COL8A1: variants seen among roughly 807,000 people sequenced by gnomAD.
COL8A1 encodes the protein collagen type VIII alpha 1 chain.
In COL8A1, 21 loss-of-function variants were observed where a neutral mutation model predicts 42.7. That is an observed-to-expected ratio of 0.49 (90% CI 0.35 to 0.71). The LOEUF (loss-of-function observed/expected upper bound fraction) is 0.71. COL8A1 is among the 30% of genes least tolerant of loss of function. The pLI is 0.01. For synonymous variants in COL8A1, 367 were observed against 369.1 expected (o/e 0.99, Z 0.06); for missense variants, 788 against 962.4 (o/e 0.82, Z 2.40).
At chr3:99,709,392 C>G (rs1939773760) in intron 1 of COL8A1, among the ~76,000 whole-genome samples, 1 of 152,100 alleles carries the variant, frequency 6.6e-6, no homozygotes, top group East Asian at 1.9e-4. Context: ...TGGTAATGAC[C>G]TTTTTAATGT....
chr3:99,712,848 A>T (rs1487224342), intron 1 of COL8A1, among the ~76,000 whole-genome samples: 1 of 152,142 alleles, frequency 6.6e-6, no homozygotes, highest in East Asian at 1.9e-4. Context: ...AACTGGGAAA[A>T]TTGAGCCATA....
intron 1 of COL8A1, among the ~76,000 whole-genome samples, chr3:99,642,176 C>A (rs933116122): frequency 2.0e-5 from 3 of 152,140 alleles, no homozygotes; most frequent in Admixed American, 1.3e-4. Context: ...GAAGTATGAG[C>A]ATTAACCACA....
chr3:99,690,994 A>T (rs530264052), intron 1 of COL8A1, among the ~76,000 whole-genome samples: 4 of 152,264 alleles, frequency 2.6e-5, no homozygotes, highest in African/African-American at 9.6e-5. Flanking sequence ...TTACACATGA[A>T]TTTTTTTCAA....
chr3:99,724,651 C>A (rs1160474616), intron 1 of COL8A1, among the ~76,000 whole-genome samples: 4 of 152,058 alleles, frequency 2.6e-5, no homozygotes, highest in African/African-American at 9.7e-5. Flanking sequence ...CTCACTGACC[C>A]AAGAAGACAG....
intron 1 of COL8A1, among the ~76,000 whole-genome samples, chr3:99,692,136 C>A (rs1201153362): frequency 1.3e-5 from 2 of 152,114 alleles, no homozygotes; most frequent in Non-Finnish European, 2.9e-5. Context: ...AACCCCTACT[C>A]ACACACACCA....
In COL8A1 at chr3:99,795,263, G is replaced by T. The variant is rs767080254; in HGVS notation, c.1362G>T (p.Leu454Phe). ...GEVGPPGMRG[L>F]PGPIGPKGEA... ...TAGGGCCTCCTGGCATGAGGGGTTT[G>T]CCAGGTCCCATAGGGCCCAAGGGGG... is the stretch of plus-strand genomic sequence containing the variant. The change falls in exon 4 of 4, where the codon TTG becomes TTT. Residue 454 changes from leucine (L) to phenylalanine (F), a missense_variant. Leu to Phe is a conservative substitution (Grantham distance 22). This residue lies in a region of COL8A1 where 154 missense variants were observed against 182.3 expected (regional missense o/e 0.84). Coordinates refer to ENST00000652472, the MANE Select transcript of COL8A1 (RefSeq NM_020351.4). 3 of 1,612,934 alleles carry T rather than the reference G, an allele frequency of 1.9e-6. No homozygotes were observed. In the African/African-American group the frequency reaches 4.0e-5, roughly 22 times the overall value.
chr3:99,662,458 A>G (rs1266401007), intron 1 of COL8A1, among the ~76,000 whole-genome samples: 2 of 152,192 alleles, frequency 1.3e-5, no homozygotes, highest in African/African-American at 4.8e-5. Flanking sequence ...CAAGTCTTTC[A>G]AATGAGAAAT....
intron 2 of COL8A1, among the ~76,000 whole-genome samples, chr3:99,784,599 C>A (rs1285079344): frequency 6.6e-6 from 1 of 152,098 alleles, no homozygotes. Flanking sequence ...AACTGTAACA[C>A]AATGGTAAGT....
At chr3:99,672,540 T>C (rs1938578186) in intron 1 of COL8A1, among the ~76,000 whole-genome samples, 1 of 151,816 alleles carries the variant, frequency 6.6e-6, no homozygotes, top group Non-Finnish European at 1.5e-5. Context: ...CTAGAATTTA[T>C]ATTTGGTTCC....
At chr3:99,665,848 ATTT>A (rs537279334) in intron 1 of COL8A1, among the ~76,000 whole-genome samples, 6 of 134,272 alleles carry the variant, frequency 4.5e-5, no homozygotes, top group African/African-American at 8.2e-5. Context: ...CACTTAGCTA[ATTT>A]TTTTTTTTTT....
At chr3:99,732,208 T>C (rs1252855911) in intron 1 of COL8A1, among the ~76,000 whole-genome samples, 1 of 152,186 alleles carries the variant, frequency 6.6e-6, no homozygotes, top group Non-Finnish European at 1.5e-5. Flanking sequence ...ATCATCACCA[T>C]ATTCAATGGA....
chr3:99,655,269 C>T (rs1172494675), intron 1 of COL8A1, among the ~76,000 whole-genome samples: 1 of 152,178 alleles, frequency 6.6e-6, no homozygotes, highest in Non-Finnish European at 1.5e-5. Flanking sequence ...CAAGACCCAT[C>T]CCACCCACTA....
At chr3:99,697,461 T>C (rs1939412747) in intron 1 of COL8A1, among the ~76,000 whole-genome samples, 1 of 152,144 alleles carries the variant, frequency 6.6e-6, no homozygotes, top group Non-Finnish European at 1.5e-5. Flanking sequence ...GATTAGGAAG[T>C]TAAAAGGAAA....
intron 2 of COL8A1, among the ~76,000 whole-genome samples, chr3:99,745,650 A>C (rs944509146): frequency 2.0e-5 from 3 of 152,180 alleles, no homozygotes; most frequent in African/African-American, 7.2e-5. Flanking sequence ...TTTCCTAAAA[A>C]CAATCTAGGA....
intron 1 of COL8A1, among the ~76,000 whole-genome samples, chr3:99,710,515 A>G (rs909055313): frequency 1.3e-5 from 2 of 152,206 alleles, no homozygotes; most frequent in African/African-American, 4.8e-5. Context: ...AAAATTCCAA[A>G]TAACATTTAA....
At chr3:99,778,923 A>T (rs1014266243) in intron 2 of COL8A1, among the ~76,000 whole-genome samples, 5 of 152,204 alleles carry the variant, frequency 3.3e-5, no homozygotes, top group Non-Finnish European at 2.9e-5. Flanking sequence ...ATTCCCAAAG[A>T]TAAAGGTTTG....
intron 1 of COL8A1, among the ~76,000 whole-genome samples, chr3:99,647,861 C>T (rs142810704): frequency 6.6e-6 from 1 of 152,248 alleles, no homozygotes; most frequent in Admixed American, 6.5e-5. Flanking sequence ...GACACTCAGA[C>T]CTCCCACTCC....
intron 1 of COL8A1, among the ~76,000 whole-genome samples, chr3:99,676,238 T>C (rs542804239): frequency 6.6e-6 from 1 of 152,242 alleles, no homozygotes; most frequent in Admixed American, 6.5e-5. Context: ...GCCAGTGAAT[T>C]TGAAGATGAA....
chr3:99,755,804 A>G (rs1334748809), intron 2 of COL8A1, among the ~76,000 whole-genome samples: 4 of 152,218 alleles, frequency 2.6e-5, no homozygotes, highest in Non-Finnish European at 4.4e-5. Flanking sequence ...CCTGGTAACT[A>G]AAGAGCAGAT....
Sources: gnomAD v4.1 joint callset for allele counts (sites outside exome capture counted in the v4.1 genomes callset) on GRCh38, gnomAD v4.1.1 for gene constraint, gnomAD v4.1.1 regional missense constraint, MANE v1.5 for transcripts, NCBI Gene and HGNC (gene_info 2026-07-23, HGNC 2026-07-21) for gene names.